The following NAV2 variants were observed in gnomAD, a reference collection of about 807,000 sequenced individuals.
NAV2 encodes neuron navigator 2.
NAV2 carries 54 observed loss-of-function variants against 223.2 expected under a neutral mutation model. The observed-to-expected ratio is 0.24, with a 90% CI of 0.19 to 0.30. The LOEUF is 0.30. Among genes scored for constraint, NAV2 ranks in the 10% least tolerant of loss-of-function variants. NAV2 has a pLI of 1.00. For missense variants in NAV2, 2,806 were observed against 3,147.5 expected (o/e 0.89, Z 2.60); for synonymous variants, 1,279 against 1,239.3 (o/e 1.03, Z -0.67).
intron 1 of NAV2, among the ~76,000 whole-genome samples, chr11:19,727,207 G>A (rs1253977752): frequency 6.6e-6 from 1 of 152,186 alleles, no homozygotes; most frequent in South Asian, 2.1e-4. Flanking sequence ...TAATTAGAGG[G>A]CCTTGACTCC....
At position 19,474,270 on chromosome 11, in the gene NAV2, G is replaced by A. The variant is rs573315654; in HGVS notation, c.75+123243G>A. ...AATGCAAGGCCAGCCCAGTGGCATC[G>A]TTTGTGAGAGTGAAAACAATGAGAC... On this transcript the variant is annotated intron_variant, in intron 1 of 37. Coordinates refer to the NAV2 transcript ENST00000360655. 6.6e-5 allele frequency among the ~76,000 whole-genome samples: 10 copies of A among 152,342 alleles called. No individual in the cohort carries two copies. In the East Asian group the frequency reaches 1.3e-3, roughly 21 times the overall value.
intron 11 of NAV2, among the ~76,000 whole-genome samples, chr11:20,010,988 G>GTTTAA (rs1161009195): frequency 1.3e-5 from 2 of 152,180 alleles, no homozygotes; most frequent in Non-Finnish European, 2.9e-5. Context: ...TGGATAGCTA[G>GTTTAA]GAATGAAATC....
At chr11:19,399,349 A>AGC (rs935798448) in intron 1 of NAV2, among the ~76,000 whole-genome samples, 4 of 152,182 alleles carry the variant, frequency 2.6e-5, no homozygotes, top group African/African-American at 7.2e-5. Context: ...CCAGTATGCT[A>AGC]ATCTCCCTGG....
At chr11:19,545,402 G>T (rs1410232126) in intron 1 of NAV2, among the ~76,000 whole-genome samples, 3 of 152,190 alleles carry the variant, frequency 2.0e-5, no homozygotes, top group African/African-American at 7.2e-5. Context: ...TCTAAGGACG[G>T]CTCCCTTCCT....
intron 3 of NAV2, among the ~76,000 whole-genome samples, chr11:19,861,311 A>G (rs1249183959): frequency 6.6e-6 from 1 of 152,066 alleles, no homozygotes; most frequent in Non-Finnish European, 1.5e-5. Flanking sequence ...ATTCCTGGAG[A>G]GCTGTGCTTG....
At chr11:19,853,843 C>A (rs1448657013) in intron 3 of NAV2, among the ~76,000 whole-genome samples, 4 of 151,498 alleles carry the variant, frequency 2.6e-5, no homozygotes, top group African/African-American at 9.8e-5. Context: ...ACATTAACTT[C>A]TTTGAGGACA....
intron 1 of NAV2, among the ~76,000 whole-genome samples, chr11:19,400,775 C>A (rs10766550): frequency 0.35 from 52,924 of 151,734 alleles, 9,619 homozygotes; most frequent in Admixed American, 0.4. Flanking sequence ...ATAGCTGCTG[C>A]TATTATAATC....
intron 1 of NAV2, among the ~76,000 whole-genome samples, chr11:19,741,231 A>C (rs56173223): frequency 6.6e-6 from 1 of 152,170 alleles, no homozygotes; most frequent in Non-Finnish European, 1.5e-5. Flanking sequence ...GCAATTTCAT[A>C]TGTCCATCAT....
chr11:20,118,010 A>T, intron 37 of NAV2, 123 bp from the exon 38 acceptor site: 1 of 1,081,264 alleles, frequency 9.2e-7, no homozygotes, highest in South Asian at 1.5e-5. Context: ...GTTCTTGTCC[A>T]CTGCCTCCAC....
chr11:19,360,633 A>G (rs1050336728), intron 1 of NAV2, among the ~76,000 whole-genome samples: 1 of 152,192 alleles, frequency 6.6e-6, no homozygotes, highest in Non-Finnish European at 1.5e-5. Context: ...ACATGGTATA[A>G]AACCTAGCTT....
chr11:20,011,448 A>G (rs2053557970), intron 11 of NAV2, among the ~76,000 whole-genome samples: 1 of 152,242 alleles, frequency 6.6e-6, no homozygotes, highest in Non-Finnish European at 1.5e-5. Flanking sequence ...AAGACCAAAC[A>G]TGTCTTGAAT....
intron 1 of NAV2, among the ~76,000 whole-genome samples, chr11:19,446,332 G>A (rs1349003322): frequency 6.6e-6 from 1 of 152,068 alleles, no homozygotes; most frequent in Non-Finnish European, 1.5e-5. Context: ...TTAAGGATTG[G>A]GGAGGAGCAA....
Position 20,090,867 on chromosome 11 carries a change from T to C in NAV2, c.5501T>C (p.Ile1834Thr), listed in dbSNP as rs1382284261. ...LLRNSHSNSL[I>T]SECMDSEAET... ...CAGTAACATTCCTCTTTCCCTAGAA[T>C]TTCAGAATGCATGGATAGTGAAGCT... Residue 1834 changes from isoleucine to threonine, a missense_variant and splice_region_variant, in exon 27 of 38, where the codon ATT becomes ACT. Transcript: ENST00000349880. 1.2e-6 allele frequency: 2 copies of C among 1,613,610 alleles called. No individual in the cohort carries two copies. Among genetic ancestry groups the C allele is most frequent in the African/African-American group, 2.7e-5 (2 of 74,934 alleles).
chr11:19,533,189 T>G (rs935599846), intron 1 of NAV2, among the ~76,000 whole-genome samples: 37 of 152,124 alleles, frequency 2.4e-4, no homozygotes, highest in Non-Finnish European at 5.3e-4. Flanking sequence ...AGGAATATAG[T>G]GTAGACCGGG....
At chr11:19,509,655 A>G (rs2043216644) in intron 1 of NAV2, among the ~76,000 whole-genome samples, 1 of 152,252 alleles carries the variant, frequency 6.6e-6, no homozygotes, top group South Asian at 2.1e-4. Flanking sequence ...AGCAGCAGGC[A>G]AGATGAGAAG....
intron 8 of NAV2, among the ~76,000 whole-genome samples, chr11:19,941,018 G>C (rs187147108): frequency 7.2e-5 from 11 of 152,286 alleles, no homozygotes. Context: ...TCAAAAGAGC[G>C]AGGCCAACGC....
chr11:19,494,123 A>G (rs189569018), intron 1 of NAV2, among the ~76,000 whole-genome samples: 21 of 152,222 alleles, frequency 1.4e-4, no homozygotes, highest in Admixed American at 1.0e-3. Flanking sequence ...GTGGTGTGTG[A>G]CTCTCCTGGA....
intron 1 of NAV2, among the ~76,000 whole-genome samples, chr11:19,682,483 G>A (rs548874706): frequency 2.0e-5 from 3 of 152,322 alleles, no homozygotes; most frequent in East Asian, 1.9e-4. Flanking sequence ...TAACCTCTGC[G>A]AGGACCTGGG....
At chr11:19,972,362 T>G (rs1471746969) in intron 10 of NAV2, among the ~76,000 whole-genome samples, 2 of 152,192 alleles carry the variant, frequency 1.3e-5, no homozygotes, top group African/African-American at 2.4e-5. Flanking sequence ...TTCTTGTGGA[T>G]TCAATGGCTG....
Sources: gnomAD v4.1 joint callset for allele counts (sites outside exome capture counted in the v4.1 genomes callset) on GRCh38, gnomAD v4.1.1 for gene constraint, MANE v1.5 for transcripts, NCBI Gene and HGNC (gene_info 2026-07-23, HGNC 2026-07-21) for gene names.